The following PCDH9 variants were observed in gnomAD, a reference collection of about 807,000 sequenced individuals.
The protein encoded by PCDH9 is protocadherin-9.
A neutral mutation model predicts 70.6 loss-of-function variants in PCDH9; 24 were observed. That is an observed-to-expected ratio of 0.34 (90% CI 0.25 to 0.48). The LOEUF is 0.48. Among genes scored for constraint, PCDH9 ranks in the 20% least tolerant of loss-of-function variants. The probability of loss-of-function intolerance (pLI) is 0.99; values close to 1 mark genes in which losing one functional copy is unlikely to be tolerated. For synonymous variants in PCDH9, 562 were observed against 558.5 expected, an observed-to-expected ratio of 1.01 and a Z score of -0.09; for missense variants, 1,281 against 1,503.6, an observed-to-expected ratio of 0.85 and a Z score of 2.45.
chr13:66,341,775 G>A (rs1177871187), intron 4 of PCDH9, among the ~76,000 whole-genome samples: 1 of 152,128 alleles, frequency 6.6e-6, no homozygotes, highest in Non-Finnish European at 1.5e-5. Flanking sequence ...GTATAGCAAT[G>A]GGCATAAATC....
intron 4 of PCDH9, among the ~76,000 whole-genome samples, chr13:66,452,371 C>T (rs1958231264): frequency 1.3e-5 from 2 of 152,108 alleles, no homozygotes; most frequent in Non-Finnish European, 2.9e-5. Flanking sequence ...TCTATTTTGC[C>T]AAGTTTTAAA....
At chr13:66,484,074 C>T (rs1958894655) in intron 4 of PCDH9, among the ~76,000 whole-genome samples, 1 of 152,106 alleles carries the variant, frequency 6.6e-6, no homozygotes, top group Admixed American at 6.5e-5. Flanking sequence ...CCTTCTGGCT[C>T]CCCCATCTGC....
At chr13:67,148,835 G>A (rs1452884306) in intron 2 of PCDH9, among the ~76,000 whole-genome samples, 2 of 152,120 alleles carry the variant, frequency 1.3e-5, no homozygotes, top group Non-Finnish European at 2.9e-5. Context: ...GTCCCAGGAT[G>A]AATTTAACAA....
intron 2 of PCDH9, among the ~76,000 whole-genome samples, chr13:67,174,238 G>C (rs996380269): frequency 6.6e-6 from 1 of 151,512 alleles, no homozygotes; most frequent in Non-Finnish European, 1.5e-5. Context: ...ATTACTTATA[G>C]CAGATAGGCA....
chr13:66,716,403 G>C (rs2078866580), intron 3 of PCDH9, among the ~76,000 whole-genome samples: 1 of 152,198 alleles, frequency 6.6e-6, no homozygotes, highest in Admixed American at 6.5e-5. Context: ...GAGGAGACCA[G>C]TGGGTCCTGA....
At chr13:66,829,501 G>A (rs538317096) in intron 3 of PCDH9, among the ~76,000 whole-genome samples, 1 of 151,932 alleles carries the variant, frequency 6.6e-6, no homozygotes, top group African/African-American at 2.4e-5. Context: ...GAGTGATGTG[G>A]TGATAGTTAC....
At chr13:66,344,385 C>T (rs756380633) in intron 4 of PCDH9, among the ~76,000 whole-genome samples, 2 of 152,128 alleles carry the variant, frequency 1.3e-5, no homozygotes, top group African/African-American at 4.8e-5. Flanking sequence ...CTCTGCCTCC[C>T]AAAGTGCTGG....
chr13:66,398,336 T>C (rs1278518298), intron 4 of PCDH9, among the ~76,000 whole-genome samples: 2 of 152,160 alleles, frequency 1.3e-5, no homozygotes, highest in Non-Finnish European at 1.5e-5. Flanking sequence ...GAAATTCTGC[T>C]ATTGGAATCG....
chr13:66,716,278 C>T (rs1168725840), intron 3 of PCDH9, among the ~76,000 whole-genome samples: 2 of 152,176 alleles, frequency 1.3e-5, no homozygotes, highest in Non-Finnish European at 2.9e-5. Flanking sequence ...TTCTGGGTTA[C>T]TTGTTCCATG....
At chr13:67,016,359 A>G (rs1197031186) in intron 2 of PCDH9, among the ~76,000 whole-genome samples, 1 of 152,198 alleles carries the variant, frequency 6.6e-6, no homozygotes. Flanking sequence ...CATTCATTCA[A>G]TAGAAACTTC....
At chr13:66,356,075 A>G (rs1956377461) in intron 4 of PCDH9, among the ~76,000 whole-genome samples, 1 of 152,206 alleles carries the variant, frequency 6.6e-6, no homozygotes, top group African/African-American at 2.4e-5. Flanking sequence ...CTATAGGCAA[A>G]GTGAAATTTT....
chr13:66,538,793 C>T (rs1960819883), intron 4 of PCDH9, among the ~76,000 whole-genome samples: 1 of 152,074 alleles, frequency 6.6e-6, no homozygotes, highest in African/African-American at 2.4e-5. Flanking sequence ...ACATAACTAT[C>T]ATACATAAGA....
chr13:66,421,359 G>A (rs564926219), intron 4 of PCDH9, among the ~76,000 whole-genome samples: 4 of 152,098 alleles, frequency 2.6e-5, no homozygotes, highest in African/African-American at 7.2e-5. Context: ...AAGAGCAACC[G>A]CAAGACACAT....
chr13:66,855,412 G>A (rs1396479027), intron 3 of PCDH9, among the ~76,000 whole-genome samples: 1 of 152,002 alleles, frequency 6.6e-6, no homozygotes. Context: ...TATGTGCTGA[G>A]TGCTGACAAA....
chr13:66,698,179 G>T (rs1393524615), intron 3 of PCDH9, among the ~76,000 whole-genome samples: 1 of 152,138 alleles, frequency 6.6e-6, no homozygotes, highest in Non-Finnish European at 1.5e-5. Flanking sequence ...TTGGGTAATG[G>T]AAAAGTTCCA....
At chr13:67,011,783 A>G (rs987333818) in intron 2 of PCDH9, among the ~76,000 whole-genome samples, 3 of 151,876 alleles carry the variant, frequency 2.0e-5, no homozygotes, top group Non-Finnish European at 4.4e-5. Flanking sequence ...TCCTGCAAAA[A>G]TGTTTTGGTC....
At chr13:67,225,249 T>A in intron 2 of PCDH9, 156 bp downstream of exon 2, 2 of 1,266,212 alleles carry the variant, frequency 1.6e-6, no homozygotes, top group South Asian at 3.5e-5. Context: ...AATTCTTGAC[T>A]GAGCCCCAGA....
At chr13:66,811,565 T>TCCTCCCTC (rs901463292) in intron 3 of PCDH9, among the ~76,000 whole-genome samples, 1 of 151,360 alleles carries the variant, frequency 6.6e-6, no homozygotes, top group Admixed American at 6.6e-5. Context: ...TTTGATTCAT[T>TCCTCCCTC]CCTCCCTCCC....
At chr13:67,116,696 C>A (rs1445264818) in intron 2 of PCDH9, among the ~76,000 whole-genome samples, 1 of 152,088 alleles carries the variant, frequency 6.6e-6, no homozygotes, top group Non-Finnish European at 1.5e-5. Context: ...ACCTATTGCT[C>A]CTTTGTTCCA....
Sources: allele counts gnomAD v4.1 joint callset (sites outside exome capture counted in the v4.1 genomes callset), GRCh38; gene constraint gnomAD v4.1.1; transcripts MANE v1.5; gene names NCBI Gene and HGNC (gene_info 2026-07-23, HGNC 2026-07-21).